Variants in LRRC4C observed in about 807,000 individuals in gnomAD.
The protein encoded by LRRC4C is leucine-rich repeat-containing protein 4C.
A neutral mutation model predicts 33.6 loss-of-function variants in LRRC4C; 5 were observed. The ratio of observed to expected loss-of-function variants is 0.15; its 90% CI spans 0.08 to 0.31. LRRC4C has a LOEUF of 0.31. LRRC4C is among the 10% of genes least tolerant of loss of function. The pLI is 1.00. For missense variants in LRRC4C, 560 were observed against 796.7 expected (o/e 0.70, Z 3.58); for synonymous variants, 329 against 302.0 (o/e 1.09, Z -0.93).
intron 3 of LRRC4C, among the ~76,000 whole-genome samples, chr11:40,493,720 G>A (rs140255636): frequency 1.6e-3 from 249 of 152,274 alleles, no homozygotes; most frequent in African/African-American, 5.7e-3. Flanking sequence ...GATACAAGAT[G>A]ATAGCTTAAA....
Position 40,115,508 on chromosome 11 carries a change from G to A in LRRC4C, c.785C>T (p.Ala262Val), listed in dbSNP as rs1246324758. The A allele has an allele frequency of 6.2e-7, 1 of 1,614,168 alleles. No homozygotes were observed. The highest frequency in any genetic ancestry group is 8.5e-7 in the Non-Finnish European group (1 of 1,180,030). The stretch of plus-strand genomic sequence containing the variant: ...CACTAGTGACTGAAGGTTGTCAAAG[G>A]CATTCCGTTCAATCACTTGAATCTG... Reference protein sequence around the residue: ...QSQIQVIERNAFDNLQSLVEI... With the variant: ...QSQIQVIERNVFDNLQSLVEI... Residue 262 changes from alanine to valine, a missense_variant, in exon 7 of 7, where the codon GCC becomes GTC. By Grantham distance (64) the Ala-to-Val change is moderately conservative. Coordinates refer to ENST00000528697, the MANE Select transcript of LRRC4C (RefSeq NM_001258419.2). This position sits in a 1 kb window ranked among gnomAD's most constrained non-coding sequence, Gnocchi z 6.7.
At chr11:40,805,430 G>A (rs1277585442) in intron 2 of LRRC4C, among the ~76,000 whole-genome samples, 1 of 152,120 alleles carries the variant, frequency 6.6e-6, no homozygotes, top group African/African-American at 2.4e-5. Flanking sequence ...GCCATTCATT[G>A]TTTAAACCAG....
At chr11:40,744,220 G>A (rs1468968367) in intron 2 of LRRC4C, among the ~76,000 whole-genome samples, 1 of 152,116 alleles carries the variant, frequency 6.6e-6, no homozygotes, top group African/African-American at 2.4e-5. Flanking sequence ...TAGTGTGTCA[G>A]ATGGAGCAAG....
intron 5 of LRRC4C, among the ~76,000 whole-genome samples, chr11:40,188,186 A>G (rs1243122808): frequency 6.6e-6 from 1 of 152,236 alleles, no homozygotes; most frequent in Non-Finnish European, 1.5e-5. Context: ...TGTTTCTTCA[A>G]CTGAACCTTG....
chr11:40,665,360 A>G (rs1298616729), intron 2 of LRRC4C, among the ~76,000 whole-genome samples: 23 of 14,282 alleles, frequency 1.6e-3, no homozygotes, highest in African/African-American at 3.5e-3. Flanking sequence ...ATATATATAT[A>G]TATGTATATA....
chr11:40,549,849 G>A (rs530186511), intron 3 of LRRC4C, among the ~76,000 whole-genome samples: 1 of 144,684 alleles, frequency 6.9e-6, no homozygotes, highest in Non-Finnish European at 1.5e-5. Flanking sequence ...TTGTGCAATT[G>A]TAGGCTATAA....
chr11:41,411,297 C>G (rs996876002), intron 1 of LRRC4C, among the ~76,000 whole-genome samples: 9 of 151,204 alleles, frequency 6.0e-5, no homozygotes, highest in African/African-American at 2.2e-4. Context: ...TACAGGTGCC[C>G]ACCACCACGC....
In LRRC4C at chr11:41,295,169, C is replaced by T. The variant is rs569355024; in HGVS notation, c.-496+164262G>A. On this transcript the variant is annotated intron_variant, in intron 1 of 6. Coordinates refer to ENST00000528697, the MANE Select transcript of LRRC4C (RefSeq NM_001258419.2). Reference sequence around the variant, plus strand: ...ATAGTGGAAAATTGGAACCAAGATACATATCCAAAAAATAAGAGCACTGTT... The same window carrying T: ...ATAGTGGAAAATTGGAACCAAGATATATATCCAAAAAATAAGAGCACTGTT... Among the ~76,000 whole-genome samples, 12 of 152,158 alleles carry T rather than the reference C, an allele frequency of 7.9e-5. No homozygotes were observed. In the South Asian group the frequency reaches 2.3e-3, roughly 29 times the overall value.
intron 3 of LRRC4C, among the ~76,000 whole-genome samples, chr11:40,373,229 T>C (rs1948528927): frequency 6.6e-6 from 1 of 152,114 alleles, no homozygotes; most frequent in South Asian, 2.1e-4. Context: ...TGTAAGGTAA[T>C]ATAGGAAGGT....
intron 1 of LRRC4C, among the ~76,000 whole-genome samples, chr11:41,006,870 TA>T (rs1854791849): frequency 6.6e-6 from 1 of 152,168 alleles, no homozygotes; most frequent in African/African-American, 2.4e-5. Flanking sequence ...ATAGTGTTTT[TA>T]TATTTATTCA....
At chr11:40,438,438 C>G (rs1992316) in intron 3 of LRRC4C, among the ~76,000 whole-genome samples, 1 of 151,978 alleles carries the variant, frequency 6.6e-6, no homozygotes, top group Non-Finnish European at 1.5e-5. Flanking sequence ...TAAATTTACT[C>G]GTATGTTCTA....
intron 3 of LRRC4C, among the ~76,000 whole-genome samples, chr11:40,439,522 C>T (rs1402359117): frequency 2.0e-5 from 3 of 150,012 alleles, no homozygotes; most frequent in Admixed American, 6.7e-5. Flanking sequence ...GGTGCAATCT[C>T]GGCTCACTGA....
intron 3 of LRRC4C, among the ~76,000 whole-genome samples, chr11:40,494,107 C>T (rs1954303577): frequency 6.6e-6 from 1 of 152,058 alleles, no homozygotes; most frequent in Non-Finnish European, 1.5e-5. Flanking sequence ...CTCCATATTG[C>T]TACCATCGTG....
chr11:40,577,778 C>T (rs1349768333), intron 3 of LRRC4C, among the ~76,000 whole-genome samples: 1 of 151,580 alleles, frequency 6.6e-6, no homozygotes, highest in Non-Finnish European at 1.5e-5. Context: ...CCCTGTTCTA[C>T]ATCCTTTAAA....
At chr11:41,083,874 T>C (rs1939762678) in intron 1 of LRRC4C, among the ~76,000 whole-genome samples, 1 of 152,180 alleles carries the variant, frequency 6.6e-6, no homozygotes. Context: ...TAAGTACTTT[T>C]TTGGCAAATA....
At chr11:40,217,080 A>T (rs998023968) in intron 5 of LRRC4C, among the ~76,000 whole-genome samples, 2 of 152,316 alleles carry the variant, frequency 1.3e-5, no homozygotes, top group East Asian at 3.9e-4. Flanking sequence ...GTGAAAGAAC[A>T]CGAAGCTTAG....
intron 1 of LRRC4C, among the ~76,000 whole-genome samples, chr11:40,948,144 C>T (rs1041777273): frequency 2.6e-5 from 4 of 152,046 alleles, no homozygotes; most frequent in Admixed American, 6.6e-5. Flanking sequence ...CCATATAAGT[C>T]ACATGTTCTA....
At chr11:40,338,193 T>C (rs1946713817) in intron 3 of LRRC4C, among the ~76,000 whole-genome samples, 1 of 152,222 alleles carries the variant, frequency 6.6e-6, no homozygotes, top group Non-Finnish European at 1.5e-5. Flanking sequence ...ACGGCTTGAC[T>C]TGTATCATAG....
chr11:41,360,326 A>C (rs1285026983), intron 1 of LRRC4C, among the ~76,000 whole-genome samples: 1 of 152,216 alleles, frequency 6.6e-6, no homozygotes, highest in African/African-American at 2.4e-5. Flanking sequence ...ACTGAACTTT[A>C]ATCACTATAC....
Sources: gnomAD v4.1 joint callset for allele counts (sites outside exome capture counted in the v4.1 genomes callset) on GRCh38, gnomAD v4.1.1 for gene constraint, Gnocchi (gnomAD v3.1) non-coding constraint, MANE v1.5 for transcripts, NCBI Gene and HGNC (gene_info 2026-07-23, HGNC 2026-07-21) for gene names.